The following ZDHHC20 variants were observed in gnomAD, a reference collection of about 807,000 sequenced individuals.
ZDHHC20 encodes zDHHC palmitoyltransferase 20.
ZDHHC20 carries 43 observed loss-of-function variants against 57.8 expected under a neutral mutation model. That is an observed-to-expected ratio of 0.74 (90% confidence interval 0.58 to 0.96). The LOEUF (loss-of-function observed/expected upper bound fraction) is 0.96. Ranked by LOEUF, ZDHHC20 falls within the 40% of genes least tolerant of loss-of-function variation. The probability of loss-of-function intolerance (pLI) is 0.00; values close to 1 mark genes in which losing one functional copy is unlikely to be tolerated. For missense variants in ZDHHC20, 391 were observed against 441.1 expected (o/e 0.89, Z 1.02); for synonymous variants, 157 against 153.0 (o/e 1.03, Z -0.19).
intron 8 of ZDHHC20, among the ~76,000 whole-genome samples, chr13:21,391,048 A>C (rs1386708670): frequency 6.8e-6 from 1 of 147,400 alleles, no homozygotes; most frequent in Non-Finnish European, 1.5e-5. Flanking sequence ...TTATAGATTA[A>C]TTTTTTTTTT....
chr13:21,378,861 G>GC, intron 11 of ZDHHC20, 123 bp from the exon 12 acceptor site: 1 of 461,380 alleles, frequency 2.2e-6, no homozygotes, highest in Non-Finnish European at 3.6e-6. Flanking sequence ...TAGGCTTATG[G>GC]TGTCAACCAT....
At position 21,378,756 on chromosome 13, in the gene ZDHHC20, T is replaced by G. The variant is rs143020483; in HGVS notation, c.1061-18A>C. ...ATTTGTCCCTGTAAGCATATAATTA[T>G]ATATGACATGACAAAAAAAAAAAAA... On this transcript the variant is annotated intron_variant, in intron 11 of 12. Transcript: ENST00000400590. 3 of 1,280,308 alleles carry G rather than the reference T, an allele frequency of 2.3e-6. No individual in the cohort carries two copies. Among genetic ancestry groups the G allele is most frequent in the African/African-American group, 3.2e-5 (2 of 62,568 alleles). 79.3% of individuals were successfully genotyped at this position (1,280,308 alleles called of 1,614,324 possible).
chr13:21,373,893 T>C lies in ZDHHC20; in HGVS notation c.*2803A>G, dbSNP rs1871590694. On this transcript the variant is annotated 3_prime_UTR_variant, in exon 13 of 13. Transcript: ENST00000400590. ...GTTGAGCTAAATATTATTTAGAACG[T>C]GGCAAAATGCTGGCTGTAAATTAAA... 6.6e-6 allele frequency: 1 copy of C among 152,382 alleles called. No homozygotes were observed. The highest frequency in any genetic ancestry group is 1.5e-5 in the Non-Finnish European group (1 of 68,148). 9.4% of individuals were successfully genotyped at this position (152,382 alleles called of 1,614,324 possible).
At chr13:21,384,553 A>G (rs1336811907) in intron 9 of ZDHHC20, among the ~76,000 whole-genome samples, 1 of 146,964 alleles carries the variant, frequency 6.8e-6, no homozygotes, top group Admixed American at 6.7e-5. Flanking sequence ...ATGGCTACAG[A>G]AATCTGCACT....
chr13:21,439,587 T>C (rs1882914162), intron 1 of ZDHHC20, among the ~76,000 whole-genome samples: 1 of 152,104 alleles, frequency 6.6e-6, no homozygotes, highest in African/African-American at 2.4e-5. Context: ...AAATAAAGAC[T>C]GAAGAACTCT....
rs553310106 is a variant in ZDHHC20 at position 21,442,560 on chromosome 13, GC to G, written c.118+16493del. ...ACTTGGGGTCAGGAGTTCAAGACCA[GC>G]CTGGCCAACATGGTGAAACCCTGTC... On this transcript the variant is annotated intron_variant, in intron 1 of 12. Coordinates refer to ENST00000400590, the MANE Select transcript of ZDHHC20 (RefSeq NM_001330059.2). Among the ~76,000 whole-genome samples, 30 of 152,258 alleles carry G rather than the reference GC, an allele frequency of 2.0e-4. No individual in the cohort carries two copies. The East Asian group carries it at 5.6e-3, about 28-fold the overall frequency.
rs190001471 is a variant in ZDHHC20, at chr13:21,375,470, A to G, written c.*1226T>C. ...CACCTCCTGTCGCTTAGATTTTAAA[A>G]GGAAAAAGGAGAAATGTGTCTAGTC... On this transcript the variant is annotated 3_prime_UTR_variant, in exon 13 of 13. Coordinates refer to ENST00000400590, the MANE Select transcript of ZDHHC20 (RefSeq NM_001330059.2). The G allele has an allele frequency of 8.9e-6, 2 of 225,752 alleles. No individual in the cohort carries two copies. The highest frequency in any genetic ancestry group is 1.6e-4 in the East Asian group (1 of 6,354). The allele number at this position is 225,752 out of a possible 1,614,324, so 14.0% of individuals were successfully genotyped here.
At position 21,421,104 on chromosome 13, in the gene ZDHHC20, T is replaced by C. The variant is rs974648221; in HGVS notation, c.206A>G (p.Tyr69Cys). ...GGGAGATGTGAAAATTGTCATCCAA[T>C]AGGACCATACAAACATAACAAAGAA... The part of the protein sequence containing the change: ...HLFFVMFVWS[Y>C]WMTIFTSPAS... The change falls in exon 3 of 13, where the codon TAT becomes TGT. Residue 69 changes from tyrosine to cysteine, a missense_variant. Coordinates refer to ENST00000400590, the MANE Select transcript of ZDHHC20 (RefSeq NM_001330059.2). 1.9e-6 allele frequency: 3 copies of C among 1,613,116 alleles called. No homozygotes were observed. Among genetic ancestry groups the C allele is most frequent in the Non-Finnish European group, 2.5e-6 (3 of 1,179,696 alleles).
chr13:21,437,588 A>C (rs537332204), intron 1 of ZDHHC20, among the ~76,000 whole-genome samples: 72 of 152,332 alleles, frequency 4.7e-4, no homozygotes, highest in African/African-American at 1.7e-3. Flanking sequence ...CCGTTCCAAA[A>C]ACCCTAGGGC....
intron 1 of ZDHHC20, among the ~76,000 whole-genome samples, chr13:21,448,414 G>T (rs1884061600): frequency 8.6e-6 from 1 of 116,270 alleles, no homozygotes; most frequent in African/African-American, 2.9e-5. Context: ...CGGGAGGGAG[G>T]TGGGGGGGTC....
At position 21,381,504 on chromosome 13, in the gene ZDHHC20, T is replaced by C; in HGVS notation, c.990A>G (p.Ser330=). The C allele has an allele frequency of 6.2e-7, 1 of 1,613,932 alleles. No homozygotes were observed. Among genetic ancestry groups the C allele is most frequent in the Non-Finnish European group, 8.5e-7 (1 of 1,179,880 alleles). Residue 330 remains serine (S), a synonymous_variant, in exon 11 of 13, where the codon TCA becomes TCG. Transcript: ENST00000400590. The stretch of plus-strand genomic sequence containing the variant: ...ATTCACTGTCCAACAAGCGGTTTTT[T>C]GATTCACTAAGTGGTTTGATAGGAA... ...QPFPIKPLSE[S]KNRLLDSESQ...
intron 1 of ZDHHC20, among the ~76,000 whole-genome samples, chr13:21,430,382 T>C (rs954352297): frequency 1.3e-5 from 2 of 151,870 alleles, no homozygotes; most frequent in Non-Finnish European, 2.9e-5. Flanking sequence ...GGGAACTTGT[T>C]ACTGTTTGGG....
intron 1 of ZDHHC20, among the ~76,000 whole-genome samples, chr13:21,440,795 A>G (rs957984662): frequency 2.0e-5 from 3 of 152,144 alleles, no homozygotes; most frequent in African/African-American, 7.2e-5. Context: ...CTATTTTTAC[A>G]ATATTCTAAA....
chr13:21,442,674 G>A (rs999602954), intron 1 of ZDHHC20, among the ~76,000 whole-genome samples: 5 of 151,708 alleles, frequency 3.3e-5, no homozygotes, highest in African/African-American at 1.2e-4. Context: ...AGAATTGCTT[G>A]AACCCGGGAA....
chr13:21,388,153 G>A (rs1246585218), intron 8 of ZDHHC20, among the ~76,000 whole-genome samples: 1 of 152,160 alleles, frequency 6.6e-6, no homozygotes, highest in Non-Finnish European at 1.5e-5. Flanking sequence ...ACATATGTGT[G>A]CCTCGGGGGT....
Position 21,376,125 on chromosome 13 carries a change from TAA to T in ZDHHC20, c.*569_*570del, listed in dbSNP as rs1041880908. 3 of 152,126 alleles carry T rather than the reference TAA, an allele frequency of 2.0e-5. No individual in the cohort carries two copies. The highest frequency in any genetic ancestry group is 2.1e-4 in the South Asian group (1 of 4,836). 9.4% of individuals were successfully genotyped at this position (152,126 alleles called of 1,614,324 possible). On this transcript the variant is annotated 3_prime_UTR_variant, in exon 13 of 13. Transcript: ENST00000400590. ...TGAATCCTTCTGTTATAGCCAACAA[TAA>T]AAAAAGTTATTAAAAATGTTGAAAA...
intron 1 of ZDHHC20, among the ~76,000 whole-genome samples, chr13:21,445,844 A>C (rs557128547): frequency 6.6e-6 from 1 of 152,192 alleles, no homozygotes; most frequent in East Asian, 1.9e-4. Flanking sequence ...GGGTGAGGAG[A>C]CTAAAAGACG....
chr13:21,393,312 C>T lies in ZDHHC20; in HGVS notation c.595-1458G>A, dbSNP rs560410008. Among the ~76,000 whole-genome samples the T allele has an allele frequency of 2.0e-4, 30 of 151,998 alleles. No individual in the cohort carries two copies. In the East Asian group the frequency reaches 5.2e-3, roughly 26 times the overall value. On this transcript the variant is annotated intron_variant, in intron 7 of 12. Transcript: ENST00000400590. ...GAGGTTGAGTTTGAGACCAGCCTGG[C>T]CAACATGGTGAAACCCTGTCTCTAC... is the stretch of plus-strand genomic sequence containing the variant.
intron 1 of ZDHHC20, among the ~76,000 whole-genome samples, chr13:21,427,503 C>T (rs1881397697): frequency 6.6e-6 from 1 of 152,080 alleles, no homozygotes; most frequent in Non-Finnish European, 1.5e-5. Context: ...CAGCTTCTCA[C>T]CAAGATATTC....
Sources: gnomAD v4.1 joint callset for allele counts (sites outside exome capture counted in the v4.1 genomes callset) on GRCh38, gnomAD v4.1.1 for gene constraint, MANE v1.5 for transcripts, NCBI Gene and HGNC (gene_info 2026-07-23, HGNC 2026-07-21) for gene names.